DNAH10: variants seen among roughly 807,000 people sequenced by gnomAD.
DNAH10 encodes the protein dynein axonemal heavy chain 10, also known as axonemal beta dynein heavy chain 10.
A neutral mutation model predicts 506.6 loss-of-function variants in DNAH10; 348 were observed. That is an observed-to-expected ratio of 0.69 (90% CI 0.63 to 0.75). The LOEUF (loss-of-function observed/expected upper bound fraction) is 0.75, where lower values mean the gene tolerates loss of function less well. Ranked by LOEUF, DNAH10 falls within the 30% of genes least tolerant of loss-of-function variation. The pLI is 0.00. For synonymous variants in DNAH10, 2,059 were observed against 2,198.6 expected (o/e 0.94, Z 1.78); for missense variants, 5,179 against 5,787.1 (o/e 0.89, Z 3.41).
Position 123,762,855 on chromosome 12 carries a change from A to G in DNAH10, c.214+305A>G, listed in dbSNP as rs1197551920. 6.6e-6 allele frequency among the ~76,000 whole-genome samples: 1 copy of G among 152,126 alleles called. No homozygotes were observed. The highest frequency in any genetic ancestry group is 1.5e-5 in the Non-Finnish European group (1 of 68,010). On this transcript the variant is annotated intron_variant, in intron 1 of 78. Coordinates refer to ENST00000673944, the MANE Select transcript of DNAH10 (RefSeq NM_001372106.1). This position sits in a 1 kb window ranked among gnomAD's most constrained non-coding sequence, Gnocchi z 5.0. ...ACGCTTGTATCAACTCCTTAACCCT[A>G]CGAGGCGGGTGTATCCTCATCCCTA... is the stretch of plus-strand genomic sequence containing the variant.
intron 51 of DNAH10, among the ~76,000 whole-genome samples, chr12:123,886,413 C>T (rs1462313216): frequency 2.6e-5 from 4 of 152,052 alleles, no homozygotes; most frequent in East Asian, 1.9e-4. Context: ...GGTTTGCAGG[C>T]GACAGGCAGA....
At position 123,814,864 on chromosome 12, in the gene DNAH10, A is replaced by G. The variant is rs1001526445; in HGVS notation, c.3780+952A>G. 1.8e-4 allele frequency among the ~76,000 whole-genome samples: 28 copies of G among 151,764 alleles called. 1 individual carries two copies. The highest frequency in any genetic ancestry group is 6.1e-4 in the African/African-American group (25 of 41,286). ...GATCTCCTGACCTTGTGATCCACCC[A>G]CCTTGGCCTCCCAAAGTGCTGGGAT... On this transcript the variant is annotated intron_variant, in intron 21 of 78. Coordinates refer to ENST00000673944, the MANE Select transcript of DNAH10 (RefSeq NM_001372106.1).
At chr12:123,844,414 T>C (rs931111375) in intron 30 of DNAH10, among the ~76,000 whole-genome samples, 1 of 152,182 alleles carries the variant, frequency 6.6e-6, no homozygotes, top group Non-Finnish European at 1.5e-5. Flanking sequence ...TAAATGTGTC[T>C]CAAGGCAATC....
rs115028858 is a variant in DNAH10, at chr12:123,788,560, C to T, written c.1620+558C>T. ...AGTGAGTACAAAGCAGGTCCGGCTG[C>T]GGTGTGGCAGTGCCCAGCCCGAGAG... On this transcript the variant is annotated intron_variant, in intron 10 of 78. Coordinates refer to ENST00000673944, the MANE Select transcript of DNAH10 (RefSeq NM_001372106.1). Among the ~76,000 whole-genome samples, 1,006 of 152,224 alleles carry T rather than the reference C, an allele frequency of 6.6e-3. 19 individuals are homozygous for T. The highest frequency in any genetic ancestry group is 0.022 in the African/African-American group (933 of 41,550).
intron 25 of DNAH10, among the ~76,000 whole-genome samples, chr12:123,829,231 C>A (rs924166995): frequency 2.0e-5 from 3 of 152,140 alleles, no homozygotes; most frequent in Admixed American, 6.6e-5. Flanking sequence ...CAGGTTCATT[C>A]TGAGCAAGTG....
At position 123,914,345 on chromosome 12, in the gene DNAH10, G is replaced by C. The variant is rs1256446630; in HGVS notation, c.10369G>C (p.Asp3457His). 6.2e-7 allele frequency: 1 copy of C among 1,612,972 alleles called. No individual in the cohort carries two copies. Among genetic ancestry groups the C allele is most frequent in the Admixed American group, 1.7e-5 (1 of 60,022 alleles). The change falls in exon 61 of 79, where the codon GAT becomes CAT. Residue 3457 changes from aspartate to histidine, a missense_variant. Around this residue, in one of 3 missense-constraint regions of DNAH10, gnomAD observed 4,844 missense variants for 5,430.5 expected, o/e 0.89. Transcript: ENST00000673944. Reference sequence around the variant, plus strand: ...CCGTGCCAGGTGGCTGAACGACCTGGATGAGCTGATGCACCGGCGCGTGAA... The same window carrying C: ...CCGTGCCAGGTGGCTGAACGACCTGCATGAGCTGATGCACCGGCGCGTGAA... ...SENIRWLNDL[D>H]ELMHRRVKLL...
At chr12:123,826,625 C>T in intron 24 of DNAH10, 62 bp from the exon 25 acceptor site, 1 of 1,469,366 alleles carries the variant, frequency 6.8e-7, no homozygotes, top group Non-Finnish European at 9.3e-7. Context: ...CAAGAACTTG[C>T]TCTCCTTGTT....
At position 123,847,950 on chromosome 12, in the gene DNAH10, G is replaced by T. The variant is rs1298494426; in HGVS notation, c.5815-11G>T. On this transcript the variant is annotated splice_polypyrimidine_tract_variant and intron_variant, in intron 32 of 78. Coordinates refer to ENST00000673944, the MANE Select transcript of DNAH10 (RefSeq NM_001372106.1). ...CCAGAAAACATATGTTTTGCATTTG[G>T]CTTATAACAGGCGCTGTCCATGTAT... The T allele has an allele frequency of 6.3e-7, 1 of 1,598,980 alleles. No homozygotes were observed. The highest frequency in any genetic ancestry group is 1.8e-5 in the Admixed American group (1 of 55,804).
intron 57 of DNAH10, among the ~76,000 whole-genome samples, chr12:123,904,297 A>C (rs1040730305): frequency 1.3e-5 from 2 of 152,184 alleles, no homozygotes; most frequent in Non-Finnish European, 2.9e-5. Context: ...AGGCTGAGGT[A>C]CCAGGACACA....
chr12:123,868,161 T>C, intron 43 of DNAH10, 42 bp downstream of exon 43: 1 of 1,534,620 alleles, frequency 6.5e-7, no homozygotes. Context: ...CTGAGTGCCT[T>C]TGGTTAAATT....
chr12:123,867,457 T>A lies in DNAH10; in HGVS notation c.7168-10T>A. ...CCCTTGAAATGCTTTGGAATGCTACTTTTTTATAGGTGGAGCAATACAATT... is the reference window on the plus strand; with the variant it reads ...CCCTTGAAATGCTTTGGAATGCTACATTTTTATAGGTGGAGCAATACAATT... On this transcript the variant is annotated splice_polypyrimidine_tract_variant and intron_variant, in intron 41 of 78. Transcript: ENST00000673944. 3 of 1,608,108 alleles carry A rather than the reference T, an allele frequency of 1.9e-6. No individual in the cohort carries two copies. Among genetic ancestry groups the A allele is most frequent in the Non-Finnish European group, 2.5e-6 (3 of 1,177,712 alleles).
In DNAH10 at chr12:123,909,184, T is replaced by A; in HGVS notation, c.9816-77T>A. 6.5e-7 allele frequency: 1 copy of A among 1,549,822 alleles called. No individual in the cohort carries two copies. Among genetic ancestry groups the A allele is most frequent in the South Asian group, 1.2e-5 (1 of 84,048 alleles). On this transcript the variant is annotated intron_variant, in intron 57 of 78. Transcript: ENST00000673944. The surrounding 1 kb of genome is among the most constrained non-coding windows in gnomAD (Gnocchi z 5.4). ...GGGACTGTCTTTTGGTTGAGCTCGT[T>A]TTTCTGGAGCTCTCTTTCAGGCCAG... is the stretch of plus-strand genomic sequence containing the variant.
chr12:123,764,047 G>T (rs1226512335), intron 1 of DNAH10, among the ~76,000 whole-genome samples: 1 of 151,912 alleles, frequency 6.6e-6, no homozygotes, highest in Non-Finnish European at 1.5e-5. Context: ...TGTATTTCTA[G>T]TAGAGACAGG....
chr12:123,858,067 T>G (rs1951465940), intron 37 of DNAH10, among the ~76,000 whole-genome samples: 1 of 152,214 alleles, frequency 6.6e-6, no homozygotes, highest in African/African-American at 2.4e-5. Flanking sequence ...ATTTTATATA[T>G]ATAGTTTTTT....
At chr12:123,870,325 G>A (rs374088041) in intron 43 of DNAH10, 41 bp from the exon 44 acceptor site, 25 of 1,596,294 alleles carry the variant, frequency 1.6e-5, no homozygotes, top group Admixed American at 3.5e-5. Flanking sequence ...TTGTATTTCC[G>A]TGTTTATGAT....
rs755354682 is a variant in DNAH10 at position 123,850,914 on chromosome 12, C to T, written c.6129C>T (p.Asp2043=). 1.2e-6 allele frequency: 2 copies of T among 1,613,142 alleles called. No homozygotes were observed. The highest frequency in any genetic ancestry group is 4.5e-5 in the East Asian group (2 of 44,864). ...TTGAAGGGCAGGAGATTTCCCTGGA[C>T]TCCCGCATGGGCATCTTCATCACCA... ...FQFEGQEISL[D]SRMGIFITMN... is the part of the protein sequence containing the mutation. The change falls in exon 35 of 79, where the codon GAC becomes GAT. Residue 2043 remains aspartate, a synonymous_variant. Transcript: ENST00000673944. This position sits in a 1 kb window ranked among gnomAD's most constrained non-coding sequence, Gnocchi z 5.5.
chr12:123,892,172 G>GT (rs1953012671), intron 52 of DNAH10, among the ~76,000 whole-genome samples: 2 of 152,218 alleles, frequency 1.3e-5, no homozygotes, highest in East Asian at 1.9e-4. Flanking sequence ...CCTTAGACTG[G>GT]TTTTTTATAA....
At chr12:123,789,643 C>T (rs1312428415) in intron 10 of DNAH10, among the ~76,000 whole-genome samples, 1 of 152,158 alleles carries the variant, frequency 6.6e-6, no homozygotes, top group Non-Finnish European at 1.5e-5. Context: ...CTCAGCCTCC[C>T]TGAAGCACTT....
At position 123,853,476 on chromosome 12, in the gene DNAH10, C is replaced by T; in HGVS notation, c.6438+124C>T. ...AAGGTTTAAGTCTTAGCTGCCTCTT[C>T]ACCCCGCGGTCTGGCCTTACTTTGG... On this transcript the variant is annotated intron_variant, in intron 36 of 78. Transcript: ENST00000673944. The surrounding 1 kb of genome is among the most constrained non-coding windows in gnomAD (Gnocchi z 4.7). The T allele has an allele frequency of 7.8e-7, 1 of 1,281,464 alleles. No homozygotes were observed. Among genetic ancestry groups the T allele is most frequent in the Non-Finnish European group, 1.0e-6 (1 of 968,182 alleles). 79.4% of individuals were successfully genotyped at this position (1,281,464 alleles called of 1,614,324 possible).
Sources: allele counts gnomAD v4.1 joint callset (sites outside exome capture counted in the v4.1 genomes callset), GRCh38; gene constraint gnomAD v4.1.1; regional missense constraint gnomAD v4.1.1; non-coding constraint Gnocchi (gnomAD v3.1); transcripts MANE v1.5; gene names NCBI Gene and HGNC (gene_info 2026-07-23, HGNC 2026-07-21).